The following SLX4IP variants were observed in gnomAD, a reference collection of about 807,000 sequenced individuals.
SLX4IP encodes the protein protein SLX4IP.
A neutral mutation model predicts 32.9 loss-of-function variants in SLX4IP; 34 were observed. That is an observed-to-expected ratio of 1.03 (90% CI 0.79 to 1.38). The LOEUF (loss-of-function observed/expected upper bound fraction) is 1.38, where lower values mean the gene tolerates loss of function less well. SLX4IP is among the 40% of genes most tolerant of loss of function. The pLI is 0.00. For synonymous variants in SLX4IP, 172 were observed against 171.7 expected, an observed-to-expected ratio of 1.00 and a Z score of -0.01; for missense variants, 444 against 479.0, an observed-to-expected ratio of 0.93 and a Z score of 0.68.
chr20:10,507,500 T>C (rs1015582416), intron 2 of SLX4IP, among the ~76,000 whole-genome samples: 7 of 152,104 alleles, frequency 4.6e-5, no homozygotes, highest in Non-Finnish European at 8.8e-5. Flanking sequence ...ATTGCCCATC[T>C]CATAAGAGTT....
At chr20:10,578,433 C>T (rs1347605737) in intron 4 of SLX4IP, among the ~76,000 whole-genome samples, 1 of 152,164 alleles carries the variant, frequency 6.6e-6, no homozygotes, top group African/African-American at 2.4e-5. Flanking sequence ...CATTTTATTA[C>T]AAATAATGTT....
chr20:10,540,649 TGTCCCAGCAC>T (rs1215274530), intron 2 of SLX4IP, among the ~76,000 whole-genome samples: 1 of 152,246 alleles, frequency 6.6e-6, no homozygotes, highest in Non-Finnish European at 1.5e-5. Context: ...AGTGGTCTCC[TGTCCCAGCAC>T]GTTTCCCCTT....
At chr20:10,485,236 A>T (rs568128797) in intron 2 of SLX4IP, among the ~76,000 whole-genome samples, 1 of 152,224 alleles carries the variant, frequency 6.6e-6, no homozygotes, top group Admixed American at 6.5e-5. Flanking sequence ...TATGTGCAAG[A>T]TGCTTATACA....
intron 2 of SLX4IP, among the ~76,000 whole-genome samples, chr20:10,545,694 T>C (rs640645): frequency 0.2 from 30,330 of 152,090 alleles, 3,676 homozygotes; most frequent in Admixed American, 0.27. Flanking sequence ...ACAAATAAAC[T>C]GAATTCCTCT....
chr20:10,436,449 C>T (rs1276306929), intron 1 of SLX4IP, among the ~76,000 whole-genome samples: 1 of 152,172 alleles, frequency 6.6e-6, no homozygotes, highest in African/African-American at 2.4e-5. Context: ...CTCCGCCCCC[C>T]GGGTTCAAGC....
At chr20:10,548,244 C>CT (rs373925213) in intron 2 of SLX4IP, among the ~76,000 whole-genome samples, 231 of 149,306 alleles carry the variant, frequency 1.5e-3, no homozygotes, top group African/African-American at 5.2e-3. Flanking sequence ...TCCAGGGCTT[C>CT]TTTTTTTTTT....
intron 2 of SLX4IP, among the ~76,000 whole-genome samples, chr20:10,518,514 C>CT (rs1555811122): frequency 1.6e-5 from 2 of 127,792 alleles, no homozygotes; most frequent in African/African-American, 6.4e-5. Context: ...TCCTTCCTTC[C>CT]TTCCTTCCTT....
At chr20:10,614,199 G>A in intron 6 of SLX4IP, 1 of 707,876 alleles carries the variant, frequency 1.4e-6, no homozygotes, top group South Asian at 1.8e-5. Flanking sequence ...TTTCATTTGG[G>A]GTTGAATGTA....
At chr20:10,563,737 G>A (rs1440406148) in intron 4 of SLX4IP, among the ~76,000 whole-genome samples, 1 of 152,024 alleles carries the variant, frequency 6.6e-6, no homozygotes, top group African/African-American at 2.4e-5. Context: ...CTTATTTCTG[G>A]GTTCTCTATT....
chr20:10,465,323 G>A (rs1250386980), intron 2 of SLX4IP, among the ~76,000 whole-genome samples: 2 of 152,012 alleles, frequency 1.3e-5, no homozygotes, highest in Non-Finnish European at 2.9e-5. Flanking sequence ...TGTAAATAAT[G>A]TTTTACCGGA....
intron 4 of SLX4IP, among the ~76,000 whole-genome samples, chr20:10,566,486 C>T (rs1008781285): frequency 9.9e-5 from 15 of 152,134 alleles, no homozygotes; most frequent in African/African-American, 3.1e-4. Context: ...ACTAAGGAAG[C>T]AGAGTCATGG....
intron 4 of SLX4IP, among the ~76,000 whole-genome samples, chr20:10,564,825 A>G (rs1056280512): frequency 2.0e-5 from 3 of 152,172 alleles, no homozygotes; most frequent in East Asian, 1.9e-4. Flanking sequence ...TTGACTGTCA[A>G]TTCCCATCAA....
intron 2 of SLX4IP, among the ~76,000 whole-genome samples, chr20:10,484,267 AAT>A (rs2065552532): frequency 6.6e-6 from 1 of 152,114 alleles, no homozygotes; most frequent in African/African-American, 2.4e-5. Flanking sequence ...CTGATAGCAA[AAT>A]ATAGCATCTA....
At chr20:10,579,236 T>C (rs185312544) in intron 4 of SLX4IP, among the ~76,000 whole-genome samples, 7 of 152,278 alleles carry the variant, frequency 4.6e-5, no homozygotes, top group East Asian at 1.9e-4. Flanking sequence ...GTTAATTTCA[T>C]ATATGACATG....
At chr20:10,506,024 G>A (rs113218579) in intron 2 of SLX4IP, among the ~76,000 whole-genome samples, 4,123 of 152,222 alleles carry the variant, frequency 0.027, 108 homozygotes, top group Admixed American at 0.098. Flanking sequence ...CATGTAAACA[G>A]TCTGGCTTTT....
At chr20:10,519,345 T>C (rs2065884704) in intron 2 of SLX4IP, among the ~76,000 whole-genome samples, 3 of 152,194 alleles carry the variant, frequency 2.0e-5, no homozygotes, top group Non-Finnish European at 4.4e-5. Flanking sequence ...AGAAACCCCA[T>C]ACTCGTCAGC....
At chr20:10,443,624 G>A (rs2065176185) in intron 1 of SLX4IP, among the ~76,000 whole-genome samples, 2 of 152,152 alleles carry the variant, frequency 1.3e-5, no homozygotes, top group Admixed American at 1.3e-4. Flanking sequence ...GTTATGTGGT[G>A]GCATTACAGG....
At chr20:10,521,994 C>T (rs1422460517) in intron 2 of SLX4IP, among the ~76,000 whole-genome samples, 1 of 152,086 alleles carries the variant, frequency 6.6e-6, no homozygotes, top group South Asian at 2.1e-4. Flanking sequence ...AATTTGATTA[C>T]AGAAGGCCCT....
At chr20:10,471,418 T>C (rs543248858) in intron 2 of SLX4IP, among the ~76,000 whole-genome samples, 2 of 152,200 alleles carry the variant, frequency 1.3e-5, no homozygotes, top group African/African-American at 2.4e-5. Flanking sequence ...GAAAAAGAGA[T>C]ACCAGAGCAC....
Sources: allele counts gnomAD v4.1 joint callset (sites outside exome capture counted in the v4.1 genomes callset), GRCh38; gene constraint gnomAD v4.1.1; transcripts MANE v1.5; gene names NCBI Gene and HGNC (gene_info 2026-07-23, HGNC 2026-07-21).